Variants in FBXL17 observed in about 807,000 individuals in gnomAD.
The protein encoded by FBXL17 is F-box and leucine rich repeat protein 17.
In FBXL17, 22 loss-of-function variants were observed where a neutral mutation model predicts 66.2. That is an observed-to-expected ratio of 0.33 (90% CI 0.24 to 0.47). The LOEUF (loss-of-function observed/expected upper bound fraction) is 0.47. Ranked by LOEUF, FBXL17 falls within the 20% of genes least tolerant of loss-of-function variation. The pLI is 1.00. For missense variants in FBXL17, 878 were observed against 948.2 expected, an observed-to-expected ratio of 0.93 and a Z score of 0.97; for synonymous variants, 474 against 400.5, an observed-to-expected ratio of 1.18 and a Z score of -2.19.
At chr5:108,152,299 T>G (rs1409181605) in intron 6 of FBXL17, among the ~76,000 whole-genome samples, 1 of 152,240 alleles carries the variant, frequency 6.6e-6, no homozygotes, top group Non-Finnish European at 1.5e-5. Context: ...TCCACTATTA[T>G]GCAATGAGAA....
chr5:108,348,455 C>A lies in FBXL17; in HGVS notation c.1450G>T (p.Val484Phe). ...AATTTCAGACAGCCCTTAGCTATGACGATCATGCCTTCATCTGAGATCTTG... is the reference window on the plus strand; with the variant it reads ...AATTTCAGACAGCCCTTAGCTATGAAGATCATGCCTTCATCTGAGATCTTG... Reference protein sequence around the residue: ...CYKISDEGMIVIAKGCLKLQR... With the variant: ...CYKISDEGMIFIAKGCLKLQR... Residue 484 changes from valine (V) to phenylalanine (F), a missense_variant, in exon 4 of 9, where the codon GTC (valine) becomes TTC (phenylalanine). Physicochemically the swap from Val to Phe is conservative, Grantham distance 50. Coordinates refer to ENST00000542267, the MANE Select transcript of FBXL17 (RefSeq NM_001163315.3). 1 of 1,613,500 alleles carries A rather than the reference C, an allele frequency of 6.2e-7. No individual in the cohort carries two copies. Among genetic ancestry groups the A allele is most frequent in the Non-Finnish European group, 8.5e-7 (1 of 1,179,576 alleles).
chr5:108,277,506 G>C (rs1273962460), intron 4 of FBXL17, among the ~76,000 whole-genome samples: 1 of 152,108 alleles, frequency 6.6e-6, no homozygotes, highest in Non-Finnish European at 1.5e-5. Context: ...ATACACAAAA[G>C]AGACAAAAGA....
intron 6 of FBXL17, among the ~76,000 whole-genome samples, chr5:108,175,224 G>T (rs987350255): frequency 1.3e-5 from 2 of 152,132 alleles, no homozygotes; most frequent in Non-Finnish European, 2.9e-5. Context: ...TTGGAAGCAG[G>T]GGTGGAGGGG....
At chr5:108,256,575 C>T (rs1017176538) in intron 4 of FBXL17, among the ~76,000 whole-genome samples, 7 of 151,638 alleles carry the variant, frequency 4.6e-5, no homozygotes, top group African/African-American at 1.7e-4. Flanking sequence ...GTTTGTATTG[C>T]TACTTCTTGA....
At chr5:108,226,600 C>T (rs13190222) in intron 4 of FBXL17, among the ~76,000 whole-genome samples, 3 of 151,942 alleles carry the variant, frequency 2.0e-5, no homozygotes, top group African/African-American at 7.3e-5. Context: ...CCATGGGGTG[C>T]CCAAATATTT....
chr5:107,951,230 G>T (rs1561335736), intron 7 of FBXL17, among the ~76,000 whole-genome samples: 1 of 152,184 alleles, frequency 6.6e-6, no homozygotes, highest in Non-Finnish European at 1.5e-5. Flanking sequence ...ATGCATATGG[G>T]TAATATGTCT....
At chr5:108,356,145 CA>C (rs1382340639) in intron 3 of FBXL17, among the ~76,000 whole-genome samples, 1 of 152,018 alleles carries the variant, frequency 6.6e-6, no homozygotes, top group Non-Finnish European at 1.5e-5. Flanking sequence ...TAAAGGGGGA[CA>C]TGACTTAATG....
At position 107,861,820 on chromosome 5, in the gene FBXL17, G is replaced by C; in HGVS notation, c.2006C>G (p.Pro669Arg). The change falls in exon 9 of 9, where the codon CCC (proline) becomes CGC (arginine). Residue 669 changes from proline to arginine, a missense_variant. Transcript: ENST00000542267. Reference sequence around the variant, plus strand: ...CAGGACGGTGCTGAAGGTGATGTGGGGGTACTGCTGCACCAGCTGTTCCAC... The same window carrying C: ...CAGGACGGTGCTGAAGGTGATGTGGCGGTACTGCTGCACCAGCTGTTCCAC... ...VTVEQLVQQY[P>R]HITFSTVLQD... 6.4e-7 allele frequency: 1 copy of C among 1,566,648 alleles called. No individual in the cohort carries two copies. The highest frequency in any genetic ancestry group is 8.7e-7 in the Non-Finnish European group (1 of 1,152,514).
chr5:108,134,421 A>G (rs898176278), intron 6 of FBXL17, among the ~76,000 whole-genome samples: 2 of 152,168 alleles, frequency 1.3e-5, no homozygotes, highest in Non-Finnish European at 2.9e-5. Flanking sequence ...TAAACCGGGG[A>G]CATAGTTGTA....
intron 6 of FBXL17, among the ~76,000 whole-genome samples, chr5:108,062,524 A>T (rs1747962591): frequency 6.6e-6 from 1 of 152,170 alleles, no homozygotes; most frequent in African/African-American, 2.4e-5. Context: ...TCTCTAAAGG[A>T]AGTCATAAAT....
chr5:108,141,404 T>C (rs1292992122), intron 6 of FBXL17, among the ~76,000 whole-genome samples: 1 of 113,294 alleles, frequency 8.8e-6, no homozygotes, highest in Non-Finnish European at 1.7e-5. Context: ...CCACACTATA[T>C]ACTTATTTGC....
At chr5:107,950,062 G>A (rs2112605896) in intron 7 of FBXL17, among the ~76,000 whole-genome samples, 1 of 152,240 alleles carries the variant, frequency 6.6e-6, no homozygotes, top group East Asian at 1.9e-4. Flanking sequence ...AGAAAAGAAA[G>A]TTTTTCTGAA....
At chr5:108,268,424 C>G (rs1316380122) in intron 4 of FBXL17, among the ~76,000 whole-genome samples, 1 of 151,958 alleles carries the variant, frequency 6.6e-6, no homozygotes, top group Non-Finnish European at 1.5e-5. Flanking sequence ...TGAAACGGCT[C>G]TGGTTCAACG....
intron 6 of FBXL17, among the ~76,000 whole-genome samples, chr5:108,098,454 A>T (rs950117728): frequency 2.1e-4 from 32 of 152,154 alleles, no homozygotes; most frequent in African/African-American, 7.5e-4. Flanking sequence ...ATTAAAAAAA[A>T]TACTTTTCAT....
At chr5:108,038,010 A>G (rs192123668) in intron 6 of FBXL17, among the ~76,000 whole-genome samples, 1 of 152,324 alleles carries the variant, frequency 6.6e-6, no homozygotes, top group Non-Finnish European at 1.5e-5. Flanking sequence ...GAATGGCACC[A>G]TAAGAAGATG....
At chr5:108,070,084 T>A (rs1356154917) in intron 6 of FBXL17, among the ~76,000 whole-genome samples, 1 of 152,222 alleles carries the variant, frequency 6.6e-6, no homozygotes, top group Non-Finnish European at 1.5e-5. Flanking sequence ...TAAGTAGAAG[T>A]ATTTCTTCAT....
intron 4 of FBXL17, among the ~76,000 whole-genome samples, chr5:108,276,724 T>C (rs1427812705): frequency 6.6e-6 from 1 of 152,190 alleles, no homozygotes; most frequent in Non-Finnish European, 1.5e-5. Flanking sequence ...AAAATGCTTT[T>C]ATCCTAAAGT....
At chr5:108,248,349 G>A (rs1482573821) in intron 4 of FBXL17, among the ~76,000 whole-genome samples, 1 of 152,124 alleles carries the variant, frequency 6.6e-6, no homozygotes, top group Non-Finnish European at 1.5e-5. Flanking sequence ...ACAGCAGAAT[G>A]AAGGCAAGAC....
intron 6 of FBXL17, among the ~76,000 whole-genome samples, chr5:108,081,565 C>CA (rs1162149417): frequency 3.3e-5 from 5 of 151,596 alleles, no homozygotes; most frequent in South Asian, 4.2e-4. Context: ...ACTAAAAATA[C>CA]AAAAAAAAGT....
Sources: allele counts gnomAD v4.1 joint callset (sites outside exome capture counted in the v4.1 genomes callset), GRCh38; gene constraint gnomAD v4.1.1; transcripts MANE v1.5; gene names NCBI Gene and HGNC (gene_info 2026-07-23, HGNC 2026-07-21).